BCAR3: variants seen among roughly 807,000 people sequenced by gnomAD.
The protein encoded by BCAR3 is BCAR3 adaptor protein, NSP family member.
A neutral mutation model predicts 80.1 loss-of-function variants in BCAR3; 37 were observed. That is an observed-to-expected ratio of 0.46 (90% CI 0.36 to 0.61). BCAR3 has a LOEUF of 0.61. Ranked by LOEUF, BCAR3 falls within the 20% of genes least tolerant of loss-of-function variation. The pLI is 0.00. For missense variants in BCAR3, 978 were observed against 1,068.2 expected (o/e 0.92, Z 1.18); for synonymous variants, 389 against 418.9 (o/e 0.93, Z 0.87).
intron 2 of BCAR3, among the ~76,000 whole-genome samples, chr1:93,738,514 G>T (rs1295992394): frequency 1.3e-5 from 2 of 152,246 alleles, no homozygotes; most frequent in Non-Finnish European, 2.9e-5. Context: ...CACTGGGAAG[G>T]AATGCACAGA....
intron 2 of BCAR3, among the ~76,000 whole-genome samples, chr1:93,750,243 A>C (rs1651509667): frequency 6.6e-6 from 1 of 152,116 alleles, no homozygotes; most frequent in Non-Finnish European, 1.5e-5. Flanking sequence ...GGAACGGAAA[A>C]CCACTGCATT....
chr1:93,786,009 C>T (rs953963495), intron 2 of BCAR3, among the ~76,000 whole-genome samples: 9 of 118,786 alleles, frequency 7.6e-5, no homozygotes, highest in South Asian at 2.4e-4. Context: ...CTGGCTAACA[C>T]GGTGAAACCC....
chr1:93,656,472 T>C (rs1443729010), intron 2 of BCAR3, among the ~76,000 whole-genome samples: 2 of 152,102 alleles, frequency 1.3e-5, no homozygotes, highest in Non-Finnish European at 2.9e-5. Context: ...TATAGTTTTT[T>C]ATTTCTAGAA....
At chr1:93,635,387 G>A (rs865910105) in intron 3 of BCAR3, among the ~76,000 whole-genome samples, 18 of 151,998 alleles carry the variant, frequency 1.2e-4, no homozygotes, top group African/African-American at 4.4e-4. Context: ...ACTTTTATAC[G>A]GACATGTGTT....
chr1:93,798,021 T>C (rs1653342018), intron 2 of BCAR3, among the ~76,000 whole-genome samples: 1 of 152,214 alleles, frequency 6.6e-6, no homozygotes, highest in East Asian at 1.9e-4. Context: ...CTGGATTATA[T>C]ATAGGACAAA....
At chr1:93,815,223 C>G (rs1653974652) in intron 2 of BCAR3, among the ~76,000 whole-genome samples, 1 of 152,192 alleles carries the variant, frequency 6.6e-6, no homozygotes, top group African/African-American at 2.4e-5. Context: ...GAGCTGCCGC[C>G]TCCTCATTAT....
At chr1:93,652,455 C>T (rs1676354014) in intron 2 of BCAR3, among the ~76,000 whole-genome samples, 2 of 152,132 alleles carry the variant, frequency 1.3e-5, no homozygotes, top group African/African-American at 2.4e-5. Context: ...ACCCAGACAC[C>T]CTTTCCAGGG....
Position 93,786,172 on chromosome 1 carries a change from G to A in BCAR3, c.-63+59395C>T, listed in dbSNP as rs1415112442. On this transcript the variant is annotated intron_variant, in intron 2 of 13. Transcript: ENST00000370244. ...CGCGCCACTGCACTCCCGCCTGGGC[G>A]TCAGAGCGAGACTCCGTCTCAAAAA... Among the ~76,000 whole-genome samples, 11 of 100,044 alleles carry A rather than the reference G, an allele frequency of 1.1e-4. 1 individual carries two copies. The highest frequency in any genetic ancestry group is 9.0e-4 in the South Asian group (3 of 3,344). 65.6% of individuals were successfully genotyped at this position (100,044 alleles called of 152,430 possible).
rs116150116 is a variant in BCAR3, at chr1:93,711,137, A to C, written c.-62-4995T>G. On this transcript the variant is annotated intron_variant, in intron 2 of 13. Coordinates refer to the BCAR3 transcript ENST00000370244. ...TAGAAGCTGCAGGCTTTTGTGAACTAATATCAGAAGCAACACATCATCCCT... is the reference window on the plus strand; with the variant it reads ...TAGAAGCTGCAGGCTTTTGTGAACTCATATCAGAAGCAACACATCATCCCT... 8.8e-3 allele frequency among the ~76,000 whole-genome samples: 1,333 copies of C among 152,340 alleles called. 18 individuals are homozygous for C. Among genetic ancestry groups the C allele is most frequent in the African/African-American group, 0.031 (1,292 of 41,572 alleles).
chr1:93,765,558 T>A (rs1652115667), intron 2 of BCAR3, among the ~76,000 whole-genome samples: 1 of 152,146 alleles, frequency 6.6e-6, no homozygotes, highest in Admixed American at 6.5e-5. Context: ...ATCGACACCA[T>A]TCACCAAGGC....
At position 93,605,002 on chromosome 1, in the gene BCAR3, G is replaced by C. The variant is rs553139043; in HGVS notation, c.358-12609C>G. On this transcript the variant is annotated intron_variant, in intron 3 of 11. Transcript: ENST00000260502. ...CCTCACTCAAAGCTCAGCTCCAAGG[G>C]GGTCTCACCTTTTCGTTAATAGATA... 7.2e-5 allele frequency among the ~76,000 whole-genome samples: 11 copies of C among 152,256 alleles called. No homozygotes were observed. The South Asian group carries it at 1.9e-3, about 26-fold the overall frequency.
At chr1:93,774,459 G>C (rs1162147300) in intron 2 of BCAR3, among the ~76,000 whole-genome samples, 1 of 144,500 alleles carries the variant, frequency 6.9e-6, no homozygotes, top group Non-Finnish European at 1.5e-5. Flanking sequence ...ACTCCAGCCT[G>C]ATCAACAGAG....
chr1:93,596,210 T>G (rs1421065866), intron 3 of BCAR3, among the ~76,000 whole-genome samples: 2 of 152,200 alleles, frequency 1.3e-5, no homozygotes, highest in African/African-American at 4.8e-5. Context: ...AGTACTGTAT[T>G]CGCTCACATA....
At chr1:93,698,002 A>G (rs534613040) in intron 3 of BCAR3, among the ~76,000 whole-genome samples, 1 of 152,254 alleles carries the variant, frequency 6.6e-6, no homozygotes, top group South Asian at 2.1e-4. Flanking sequence ...AAACAAAAAA[A>G]CAAAACAAAG....
intron 2 of BCAR3, among the ~76,000 whole-genome samples, chr1:93,744,367 C>A (rs1477188830): frequency 6.6e-6 from 1 of 152,124 alleles, no homozygotes; most frequent in Non-Finnish European, 1.5e-5. Flanking sequence ...AATGAGCCTA[C>A]TTTAGAGGTA....
chr1:93,708,933 G>A (rs549349136), intron 2 of BCAR3, among the ~76,000 whole-genome samples: 22 of 152,326 alleles, frequency 1.4e-4, no homozygotes, highest in African/African-American at 5.3e-4. Flanking sequence ...TTCTGTTGAT[G>A]CTCGTGGGGA....
chr1:93,613,520 G>C (rs1027244675), intron 3 of BCAR3, among the ~76,000 whole-genome samples: 3 of 152,146 alleles, frequency 2.0e-5, no homozygotes, highest in African/African-American at 7.2e-5. Flanking sequence ...TAGAAATGAA[G>C]GAAGAGAGAC....
rs200485988 is a variant in BCAR3, at chr1:93,582,940, T to A, written c.1047A>T (p.Pro349=). 2 of 1,590,048 alleles carry A rather than the reference T, an allele frequency of 1.3e-6. No homozygotes were observed. Among genetic ancestry groups the A allele is most frequent in the Admixed American group, 1.7e-5 (1 of 59,336 alleles). ...TTGTGTCCACACCCGAGGACTGAGG[T>A]GGCAGCTTGCAGCCTGTGGGGGATA... ...ESYLPIGCKL[P]PQSSGVDTSP... Residue 349 remains proline (P), a synonymous_variant, in exon 7 of 12, where the codon CCA becomes CCT. Transcript: ENST00000260502.
chr1:93,618,057 G>A (rs1675193567), intron 3 of BCAR3, among the ~76,000 whole-genome samples: 1 of 152,256 alleles, frequency 6.6e-6, no homozygotes, highest in Non-Finnish European at 1.5e-5. Context: ...CAGGAGGAAA[G>A]GACTTTGTGC....
Sources: allele counts gnomAD v4.1 joint callset (sites outside exome capture counted in the v4.1 genomes callset), GRCh38; gene constraint gnomAD v4.1.1; transcripts MANE v1.5; gene names NCBI Gene and HGNC (gene_info 2026-07-23, HGNC 2026-07-21).